Variants in PCDHA9 observed in about 807,000 individuals in gnomAD.
PCDHA9 encodes the protein protocadherin alpha 9, also known as protocadherin alpha-9.
A neutral mutation model predicts 62.0 loss-of-function variants in PCDHA9; 62 were observed. That is an observed-to-expected ratio of 1.00 (90% CI 0.81 to 1.23). The LOEUF (loss-of-function observed/expected upper bound fraction) is 1.23, where lower values mean the gene tolerates loss of function less well. Ranked by LOEUF, PCDHA9 falls within the 50% of genes most tolerant of loss-of-function variation. The probability of loss-of-function intolerance (pLI) is 0.00; values close to 1 mark genes in which losing one functional copy is unlikely to be tolerated. For missense variants in PCDHA9, 1,205 were observed against 1,249.8 expected (o/e 0.96, Z 0.54); for synonymous variants, 557 against 567.6 (o/e 0.98, Z 0.27).
intron 1 of PCDHA9, chr5:140,883,858 G>C (rs2059854560): frequency 6.2e-7 from 1 of 1,613,142 alleles, no homozygotes; most frequent in Middle Eastern, 1.8e-4. Context: ...AGCTGGAGCT[G>C]TTGCAGTTCC....
Position 140,850,965 on chromosome 5 carries a change from G to C in PCDHA9, c.2394+76G>C, listed in dbSNP as rs200912451. 36 of 1,464,074 alleles carry C rather than the reference G, an allele frequency of 2.5e-5. 1 individual carries two copies. In the Middle Eastern group the frequency reaches 5.9e-4, roughly 24 times the overall value. 90.7% of individuals were successfully genotyped at this position (1,464,074 alleles called of 1,614,324 possible). A position where few individuals can be genotyped will look rare whatever the true frequency, so the allele number is the denominator to read the frequency against. On this transcript the variant is annotated intron_variant, in intron 1 of 3. Transcript: ENST00000532602. Reference sequence around the variant, plus strand: ...ATATTATCGATTACTCCCAGGGGCCGTTCAAATAGTTTTATTCATTTTTCT... The same window carrying C: ...ATATTATCGATTACTCCCAGGGGCCCTTCAAATAGTTTTATTCATTTTTCT...
chr5:140,899,191 C>G (rs1583332627), intron 1 of PCDHA9, among the ~76,000 whole-genome samples: 2 of 151,090 alleles, frequency 1.3e-5, no homozygotes, highest in Non-Finnish European at 3.0e-5. Flanking sequence ...TTTCCTTCTC[C>G]TGCCTAATTG....
intron 2 of PCDHA9, 141 bp downstream of exon 2, chr5:140,979,148 C>G: frequency 6.9e-7 from 1 of 1,441,158 alleles, no homozygotes; most frequent in South Asian, 1.5e-5. Context: ...TTATTTTGTC[C>G]CCATGTTTAT....
chr5:140,927,674 A>T (rs201769803), intron 1 of PCDHA9: 1 of 1,614,182 alleles, frequency 6.2e-7, no homozygotes, highest in Non-Finnish European at 8.5e-7. Flanking sequence ...TTGGATCCAG[A>T]TGAAGGGTCC....
intron 1 of PCDHA9, chr5:140,870,359 C>T (rs781862161): frequency 2.5e-6 from 4 of 1,614,204 alleles, no homozygotes; most frequent in Middle Eastern, 1.6e-4. Context: ...AACGTGTGGG[C>T]CTATGAACTG....
intron 1 of PCDHA9, chr5:140,865,066 G>A (rs1299001288): frequency 1.3e-5 from 2 of 152,140 alleles, no homozygotes; most frequent in African/African-American, 4.8e-5. Flanking sequence ...AATAACTTAA[G>A]TATAAGAACC....
chr5:140,960,258 T>G (rs551623092), intron 1 of PCDHA9, among the ~76,000 whole-genome samples: 1 of 152,248 alleles, frequency 6.6e-6, no homozygotes, highest in Non-Finnish European at 1.5e-5. Context: ...CTGGAGCTTC[T>G]GATAAATTCC....
chr5:140,881,803 T>A (rs574659861), intron 1 of PCDHA9, among the ~76,000 whole-genome samples: 5 of 152,058 alleles, frequency 3.3e-5, no homozygotes, highest in Non-Finnish European at 7.3e-5. Context: ...CCAAAACGAG[T>A]GTCGAATATT....
chr5:140,877,609 C>T (rs1554169925), intron 1 of PCDHA9: 4 of 1,613,876 alleles, frequency 2.5e-6, no homozygotes, highest in Middle Eastern at 1.7e-4. Flanking sequence ...CCTGCTGGTG[C>T]TCACGCTGCT....
chr5:140,941,936 T>G (rs901567070), intron 1 of PCDHA9, among the ~76,000 whole-genome samples: 7 of 152,362 alleles, frequency 4.6e-5, no homozygotes, highest in Non-Finnish European at 7.3e-5. Flanking sequence ...ATATTTGAAT[T>G]ACTTTTGTTT....
chr5:140,968,058 G>A lies in PCDHA9; in HGVS notation c.2395-10891G>A, dbSNP rs532963970. On this transcript the variant is annotated intron_variant, in intron 1 of 3. Transcript: ENST00000532602. The stretch of plus-strand genomic sequence containing the variant: ...GTGAGCGGCCCACTGGACCGAGAGC[G>A]GGTGGCTGTCTACAACATCACGGTG... The A allele has an allele frequency of 1.1e-5, 18 of 1,614,088 alleles. No individual in the cohort carries two copies. The highest frequency in any genetic ancestry group is 4.0e-5 in the African/African-American group (3 of 75,026).
chr5:140,863,769 C>T (rs1032568276), intron 1 of PCDHA9: 6 of 236,858 alleles, frequency 2.5e-5, no homozygotes, highest in African/African-American at 1.1e-4. Context: ...GAAGCCGAGG[C>T]GGGCGGATCA....
At chr5:140,882,823 T>C (rs2059326985) in intron 1 of PCDHA9, 1 of 1,614,160 alleles carries the variant, frequency 6.2e-7, no homozygotes, top group Non-Finnish European at 8.5e-7. Flanking sequence ...CACAAAACAG[T>C]CTTGAGCAAA....
intron 1 of PCDHA9, chr5:140,870,538 C>T (rs539269989): frequency 6.2e-7 from 1 of 1,614,154 alleles, no homozygotes; most frequent in African/African-American, 1.3e-5. Flanking sequence ...AGTGTCGGCG[C>T]GGGACGCGGA....
chr5:140,871,519 A>G, intron 1 of PCDHA9: 1 of 1,554,010 alleles, frequency 6.4e-7, no homozygotes, highest in East Asian at 2.3e-5. Flanking sequence ...GATTCCACCT[A>G]TCAGGAAGTG....
intron 1 of PCDHA9, among the ~76,000 whole-genome samples, chr5:140,946,755 A>G (rs1554217843): frequency 3.3e-5 from 5 of 151,400 alleles, no homozygotes. Context: ...ATACTGCATG[A>G]TCTCATTCAT....
intron 1 of PCDHA9, among the ~76,000 whole-genome samples, chr5:140,925,793 A>G (rs1261267937): frequency 6.6e-6 from 1 of 152,074 alleles, no homozygotes; most frequent in African/African-American, 2.4e-5. Context: ...GTATCTCAGT[A>G]CTTTCCCCTC....
intron 1 of PCDHA9, chr5:140,969,441 G>T (rs1554231808): frequency 1.9e-6 from 3 of 1,543,640 alleles, no homozygotes; most frequent in Non-Finnish European, 2.6e-6. Flanking sequence ...GAGTTATCTG[G>T]TAAACTGAGT....
chr5:140,885,096 A>G (rs2060465078), intron 1 of PCDHA9, among the ~76,000 whole-genome samples: 1 of 152,160 alleles, frequency 6.6e-6, no homozygotes, highest in Non-Finnish European at 1.5e-5. Flanking sequence ...AACTTTTCAC[A>G]TAAATGCTTT....
Sources: allele counts gnomAD v4.1 joint callset (sites outside exome capture counted in the v4.1 genomes callset), GRCh38; gene constraint gnomAD v4.1.1; transcripts MANE v1.5; gene names NCBI Gene and HGNC (gene_info 2026-07-23, HGNC 2026-07-21).